CPQ: variants seen among roughly 807,000 people sequenced by gnomAD.
CPQ encodes the protein Ser-Met dipeptidase.
Under a neutral mutation model 45.7 loss-of-function variants are expected in CPQ, and 37 were observed. The observed-to-expected ratio is 0.81, with a 90% CI of 0.62 to 1.07. The LOEUF is 1.07. Among genes scored for constraint, CPQ ranks in the 50% least tolerant of loss-of-function variants. The probability of loss-of-function intolerance (pLI) is 0.00; values close to 1 mark genes in which losing one functional copy is unlikely to be tolerated. For missense variants in CPQ, 537 were observed against 572.9 expected (o/e 0.94, Z 0.64); for synonymous variants, 186 against 205.8 (o/e 0.90, Z 0.82).
chr8:96,783,166 C>T (rs890970850), intron 1 of CPQ, among the ~76,000 whole-genome samples: 1 of 152,088 alleles, frequency 6.6e-6, no homozygotes, highest in African/African-American at 2.4e-5. Context: ...TCCGGCCTCT[C>T]CCCGTTACCC....
At chr8:97,022,978 GTATATAGTATATATATACAGTATATA>G (rs1809718769) in intron 5 of CPQ, among the ~76,000 whole-genome samples, 1 of 45,086 alleles carries the variant, frequency 2.2e-5, no homozygotes, top group Admixed American at 2.0e-4. Context: ...TATATATACT[GTATATAGTATATATATACAGTATATA>G]TATACTATAT....
At chr8:97,123,024 TAAATA>T (rs71271115) in intron 7 of CPQ, among the ~76,000 whole-genome samples, 2 of 26,406 alleles carry the variant, frequency 7.6e-5, no homozygotes, top group African/African-American at 2.5e-4. Context: ...TAAAATAAAA[TAAATA>T]AAATAAAATA....
At chr8:97,020,483 T>C (rs1236758197) in intron 5 of CPQ, among the ~76,000 whole-genome samples, 3 of 151,964 alleles carry the variant, frequency 2.0e-5, no homozygotes, top group South Asian at 2.1e-4. Flanking sequence ...ATTAGCAAGA[T>C]TAAACAAGGA....
chr8:96,801,651 T>C (rs1360549158), intron 2 of CPQ, among the ~76,000 whole-genome samples: 1 of 152,144 alleles, frequency 6.6e-6, no homozygotes. Context: ...TTATGAAAAA[T>C]CTTCTAGGAG....
intron 1 of CPQ, among the ~76,000 whole-genome samples, chr8:96,725,387 C>A (rs886818305): frequency 1.3e-5 from 2 of 152,004 alleles, no homozygotes; most frequent in Non-Finnish European, 2.9e-5. Flanking sequence ...ATTCAACAAA[C>A]CAAAAACTAA....
intron 4 of CPQ, among the ~76,000 whole-genome samples, chr8:96,928,685 G>A (rs143333102): frequency 1.3e-5 from 2 of 152,266 alleles, no homozygotes; most frequent in Non-Finnish European, 2.9e-5. Flanking sequence ...GCTCTGTAGA[G>A]CTGCCAGATT....
At chr8:96,779,827 A>T (rs1810664583) in intron 1 of CPQ, among the ~76,000 whole-genome samples, 1 of 152,142 alleles carries the variant, frequency 6.6e-6, no homozygotes. Flanking sequence ...TTTTTTTATT[A>T]GTTAACAAAA....
chr8:97,008,456 T>A (rs1285627122), intron 5 of CPQ, among the ~76,000 whole-genome samples: 1 of 152,214 alleles, frequency 6.6e-6, no homozygotes, highest in African/African-American at 2.4e-5. Context: ...ACTGGGTTTC[T>A]CATTTTTTTC....
chr8:96,682,078 T>C (rs1809159895), intron 1 of CPQ, among the ~76,000 whole-genome samples: 1 of 152,176 alleles, frequency 6.6e-6, no homozygotes, highest in South Asian at 2.1e-4. Context: ...GAATTTTGGG[T>C]AAATGCTGAA....
intron 6 of CPQ, among the ~76,000 whole-genome samples, chr8:97,035,909 G>A (rs540181864): frequency 1.3e-5 from 2 of 152,042 alleles, no homozygotes; most frequent in South Asian, 2.1e-4. Flanking sequence ...GGGTTTCACC[G>A]TGTTAGCCAA....
At position 97,020,910 on chromosome 8, in the gene CPQ, A is replaced by T. The variant is rs569531520; in HGVS notation, c.962-8493A>T. Among the ~76,000 whole-genome samples, 8 of 152,306 alleles carry T rather than the reference A, an allele frequency of 5.3e-5. No individual in the cohort carries two copies. The South Asian group carries it at 1.4e-3, about 28-fold the overall frequency. On this transcript the variant is annotated intron_variant, in intron 5 of 7. Coordinates refer to ENST00000220763, the MANE Select transcript of CPQ (RefSeq NM_016134.4). ...ACCCTAATACCAAAACCAGGAAAGG[A>T]CATAACCAAAAAAGAAAACTAAAGA...
chr8:96,772,554 A>G (rs1046878681), intron 1 of CPQ, among the ~76,000 whole-genome samples: 3 of 152,130 alleles, frequency 2.0e-5, no homozygotes, highest in African/African-American at 2.4e-5. Context: ...ATGTAGTAGG[A>G]CAAGAAGATC....
chr8:96,648,476 C>T (rs185601651), intron 1 of CPQ, among the ~76,000 whole-genome samples: 2 of 152,200 alleles, frequency 1.3e-5, no homozygotes, highest in East Asian at 3.9e-4. Flanking sequence ...TTCCTGGGCC[C>T]TTTTCTTTAA....
chr8:96,827,820 C>T (rs1811398924), intron 2 of CPQ, among the ~76,000 whole-genome samples: 1 of 152,012 alleles, frequency 6.6e-6, no homozygotes, highest in African/African-American at 2.4e-5. Flanking sequence ...ATAGGCATTT[C>T]TTGTTATTGA....
chr8:96,938,407 A>G lies in CPQ; in HGVS notation c.850-27528A>G, dbSNP rs571415850. Among the ~76,000 whole-genome samples, 3 of 152,298 alleles carry G rather than the reference A, an allele frequency of 2.0e-5. No homozygotes were observed. The East Asian group carries it at 5.8e-4, about 29-fold the overall frequency. Reference sequence around the variant, plus strand: ...GCAGGACCCTGGTCTCTAAACAACAACAGCAACAAAACCAAATTAGGATAA... The same window carrying G: ...GCAGGACCCTGGTCTCTAAACAACAGCAGCAACAAAACCAAATTAGGATAA... On this transcript the variant is annotated intron_variant, in intron 4 of 7. Coordinates refer to ENST00000220763, the MANE Select transcript of CPQ (RefSeq NM_016134.4).
At chr8:96,836,272 A>G (rs550293080) in intron 3 of CPQ, among the ~76,000 whole-genome samples, 1 of 152,292 alleles carries the variant, frequency 6.6e-6, no homozygotes, top group South Asian at 2.1e-4. Flanking sequence ...AAATAAAAAT[A>G]ACTGGGGAAC....
At chr8:96,677,071 T>C (rs975878049) in intron 1 of CPQ, among the ~76,000 whole-genome samples, 10 of 152,118 alleles carry the variant, frequency 6.6e-5, no homozygotes, top group African/African-American at 2.4e-4. Context: ...ATTTACTTGT[T>C]GTTTGATGGG....
chr8:96,664,944 A>G (rs1218153137), intron 1 of CPQ, among the ~76,000 whole-genome samples: 1 of 152,152 alleles, frequency 6.6e-6, no homozygotes, highest in Non-Finnish European at 1.5e-5. Flanking sequence ...CTTAGTATAT[A>G]CTGGCTAGAT....
At chr8:96,793,026 G>T (rs893651024) in intron 2 of CPQ, among the ~76,000 whole-genome samples, 1 of 151,650 alleles carries the variant, frequency 6.6e-6, no homozygotes, top group Non-Finnish European at 1.5e-5. Context: ...CAGCATGGGG[G>T]TTACTGCCCC....
Sources: gnomAD v4.1 joint callset for allele counts (sites outside exome capture counted in the v4.1 genomes callset) on GRCh38, gnomAD v4.1.1 for gene constraint, MANE v1.5 for transcripts, NCBI Gene and HGNC (gene_info 2026-07-23, HGNC 2026-07-21) for gene names.